Variants in PACRGL observed in about 807,000 individuals in gnomAD.
PACRGL encodes the protein parkin coregulated like.
A neutral mutation model predicts 34.5 loss-of-function variants in PACRGL; 38 were observed. That is an observed-to-expected ratio of 1.10 (90% CI 0.85 to 1.44). PACRGL has a LOEUF of 1.44. Among genes scored for constraint, PACRGL ranks in the 40% most tolerant of loss-of-function variants. The pLI, the probability that PACRGL is intolerant of heterozygous loss-of-function variation, is 0.00. For synonymous variants in PACRGL, 128 were observed against 100.1 expected (o/e 1.28, Z -1.66); for missense variants, 305 against 281.4 (o/e 1.08, Z -0.60).
Position 20,704,681 on chromosome 4 carries a change from C to A in PACRGL, c.74C>A (p.Ser25Ter). The change falls in exon 3 of 9, where the codon TCA (serine) becomes TAA (stop). Residue 25 changes from serine to a stop codon, truncating the protein, a stop_gained. Coordinates refer to ENST00000503585, the MANE Select transcript of PACRGL (RefSeq NM_001258345.3). LOFTEE classifies it high-confidence loss of function. ...RATGNYDQRT[S>*]SSTQLKHRNA... ...CCAGGTAACTATGATCAAAGGACAT[C>A]ATCAAGCACACAGTTAAAACACAGG... 7 of 1,614,086 alleles carry A rather than the reference C, an allele frequency of 4.3e-6. No homozygotes were observed. The highest frequency in any genetic ancestry group is 5.9e-6 in the Non-Finnish European group (7 of 1,179,996).
intron 1 of PACRGL, chr4:20,702,739 T>A (rs1011108482): frequency 5.9e-5 from 9 of 152,164 alleles, no homozygotes; most frequent in African/African-American, 2.2e-4. Flanking sequence ...AGAAGTACAA[T>A]AGTAGGTTAA....
intron 3 of PACRGL, among the ~76,000 whole-genome samples, chr4:20,706,598 A>G (rs1424717942): frequency 6.7e-6 from 1 of 150,008 alleles, no homozygotes; most frequent in African/African-American, 2.5e-5. Flanking sequence ...TTTTTTTGAG[A>G]CGGAATCTCG....
rs1041350787 is a variant in PACRGL, at chr4:20,713,459, A to G, written c.529A>G (p.Arg177Gly). ...CCATTCGGATGATGAAGTGTTTGAA[A>G]GAGGATTGAATGCTCTAGTTCAGCT... Reference protein sequence around the residue: ...LVHSDDEVFERGLNALVQLSV... With the variant: ...LVHSDDEVFEGGLNALVQLSV... Residue 177 changes from arginine to glycine, a missense_variant, in exon 7 of 9, where the codon AGA (arginine) becomes GGA (glycine). Coordinates refer to ENST00000503585, the MANE Select transcript of PACRGL (RefSeq NM_001258345.3). The G allele has an allele frequency of 1.2e-6, 2 of 1,613,580 alleles. No individual in the cohort carries two copies. Among genetic ancestry groups the G allele is most frequent in the African/African-American group, 2.7e-5 (2 of 74,898 alleles).
chr4:20,724,419 A>G (rs1744785057), intron 7 of PACRGL, among the ~76,000 whole-genome samples: 1 of 152,206 alleles, frequency 6.6e-6, no homozygotes, highest in Non-Finnish European at 1.5e-5. Context: ...ATTCACTCTT[A>G]TAAATTACTC....
rs370331344 is a variant in PACRGL, at chr4:20,707,842, A to G, written c.247A>G (p.Ile83Val). 101 of 1,613,670 alleles carry G rather than the reference A, an allele frequency of 6.3e-5. No homozygotes were observed. The highest frequency in any genetic ancestry group is 1.6e-4 in the Middle Eastern group (1 of 6,064). Residue 83 changes from isoleucine (I) to valine (V), a missense_variant, in exon 4 of 9, where the codon ATT becomes GTT. Transcript: ENST00000503585. ...ACGAGTGCCTTCTGCATTTGCAGCT[A>G]TTTACTCTAAAGGAGGTATTCCTTG... ...QSRVPSAFAA[I>V]YSKGGIPCRL...
At chr4:20,748,558 TTTTATATA>T (rs1165865489) in intron 8 of PACRGL, among the ~76,000 whole-genome samples, 6,128 of 118,138 alleles carry the variant, frequency 0.052, 286 homozygotes, top group Non-Finnish European at 0.07. Context: ...ACCTTCCAAA[TTTTATATA>T]TATATATATA....
downstream of PACRGL, chr4:20,734,603 G>A: frequency 1.0e-6 from 1 of 999,574 alleles, no homozygotes; most frequent in Non-Finnish European, 1.5e-6. Context: ...CCAAATTACT[G>A]TGATGTTGGT....
intron 4 of PACRGL, among the ~76,000 whole-genome samples, chr4:20,709,206 G>T (rs1036347591): frequency 2.0e-5 from 3 of 152,192 alleles, no homozygotes; most frequent in Middle Eastern, 3.4e-3. Context: ...CCCTAAATGG[G>T]CCATTTTACC....
In PACRGL at chr4:20,728,927, A is replaced by AATAATCTGAATT; in HGVS notation, c.*1589_*1600dup. 1 of 146,156 alleles carries AATAATCTGAATT rather than the reference A, an allele frequency of 6.8e-6. No homozygotes were observed. The allele number at this position is 146,156 out of a possible 1,614,324, so 9.1% of individuals were successfully genotyped here. The stretch of plus-strand genomic sequence containing the variant: ...TACAGTTTTGGCTAAGATGATTAAA[A>AATAATCTGAATT]ATAATCTGAATTATGATGAGCTAAA... On this transcript the variant is annotated 3_prime_UTR_variant, in exon 9 of 9. Coordinates refer to ENST00000503585, the MANE Select transcript of PACRGL (RefSeq NM_001258345.3).
intron 8 of PACRGL, among the ~76,000 whole-genome samples, chr4:20,750,711 C>A (rs73240297): frequency 9.9e-5 from 15 of 152,058 alleles, no homozygotes; most frequent in East Asian, 1.9e-4. Context: ...CTTTGCTTGA[C>A]CCTTGATAAA....
chr4:20,721,382 T>C (rs963157738), intron 7 of PACRGL, among the ~76,000 whole-genome samples: 2 of 152,152 alleles, frequency 1.3e-5, no homozygotes, highest in Admixed American at 1.3e-4. Context: ...TTGTGTTCCT[T>C]TGGAGGGGGA....
intron 8 of PACRGL, among the ~76,000 whole-genome samples, chr4:20,743,761 T>G (rs1344539306): frequency 1.3e-5 from 2 of 151,992 alleles, no homozygotes; most frequent in African/African-American, 4.8e-5. Flanking sequence ...AAAGCCAAAA[T>G]TGACAAATGG....
chr4:20,761,948 A>G, the PACRGL span, among the ~76,000 whole-genome samples: 814 of 152,286 alleles, frequency 5.3e-3, 6 homozygotes, highest in African/African-American at 0.018. Context: ...GGAGTCTTCT[A>G]GGAACTGGGA....
intron 8 of PACRGL, among the ~76,000 whole-genome samples, chr4:20,725,345 A>T (rs1025421915): frequency 7.9e-6 from 1 of 126,466 alleles, no homozygotes; most frequent in Non-Finnish European, 1.7e-5. Flanking sequence ...GCATACCCCC[A>T]TAGGTGTACA....
At chr4:20,743,904 G>T (rs1751779750) in intron 8 of PACRGL, among the ~76,000 whole-genome samples, 1 of 149,314 alleles carries the variant, frequency 6.7e-6, no homozygotes, top group Non-Finnish European at 1.5e-5. Context: ...AATCTACAAA[G>T]AAATTAAATT....
At position 20,729,415 on chromosome 4, in the gene PACRGL, A is replaced by ATTAAATGCTTATTAAAATAAGTTTT. The variant is rs1553881441; in HGVS notation, c.*2075_*2099dup. 1 of 152,358 alleles carries ATTAAATGCTTATTAAAATAAGTTTT rather than the reference A, an allele frequency of 6.6e-6. No individual in the cohort carries two copies. The highest frequency in any genetic ancestry group is 1.5e-5 in the Non-Finnish European group (1 of 68,000). The allele number at this position is 152,358 out of a possible 1,614,324, so 9.4% of individuals were successfully genotyped here. On this transcript the variant is annotated 3_prime_UTR_variant, in exon 9 of 9. Coordinates refer to ENST00000503585, the MANE Select transcript of PACRGL (RefSeq NM_001258345.3). Reference sequence around the variant, plus strand: ...CCTTGGCTGTAACATATTATGGAAAATTAAATGCTTATTAAAATAAGTTTT... The same window carrying ATTAAATGCTTATTAAAATAAGTTTT: ...CCTTGGCTGTAACATATTATGGAAAATTAAATGCTTATTAAAATAAGTTTTTTAAATGCTTATTAAAATAAGTTTT...
chr4:20,704,941 AT>A, intron 3 of PACRGL, 127 bp downstream of exon 3: 1 of 1,056,328 alleles, frequency 9.5e-7, no homozygotes, highest in Non-Finnish European at 1.4e-6. Flanking sequence ...AGAGAAGGGC[AT>A]GTGGTTATTA....
At chr4:20,754,902 G>T (rs1754245911), downstream of PACRGL, among the ~76,000 whole-genome samples, 1 of 152,192 alleles carries the variant, frequency 6.6e-6, no homozygotes, top group South Asian at 2.1e-4. Context: ...CTGCATTGGT[G>T]CTTTGATATT....
chr4:20,725,928 C>T (rs1466793395), intron 8 of PACRGL, among the ~76,000 whole-genome samples: 1 of 151,918 alleles, frequency 6.6e-6, no homozygotes, highest in African/African-American at 2.4e-5. Flanking sequence ...TCTAGCTAAT[C>T]CCATGTCTCC....
Sources: gnomAD v4.1 joint callset for allele counts (sites outside exome capture counted in the v4.1 genomes callset) on GRCh38, gnomAD v4.1.1 for gene constraint, MANE v1.5 for transcripts, NCBI Gene and HGNC (gene_info 2026-07-23, HGNC 2026-07-21) for gene names.